Variants in SPTA1 observed in about 807,000 individuals in gnomAD.
SPTA1 encodes the protein spectrin alpha chain, erythrocytic 1.
In SPTA1, 177 loss-of-function variants were observed where a neutral mutation model predicts 324.7. The observed-to-expected ratio is 0.55, with a 90% CI of 0.48 to 0.62. The LOEUF is 0.62. Among genes scored for constraint, SPTA1 ranks in the 20% least tolerant of loss-of-function variants. The probability of loss-of-function intolerance (pLI) is 0.00; values close to 1 mark genes in which losing one functional copy is unlikely to be tolerated. For synonymous variants in SPTA1, 1,195 were observed against 1,041.3 expected, an observed-to-expected ratio of 1.15 and a Z score of -2.84; for missense variants, 3,162 against 2,883.6, an observed-to-expected ratio of 1.10 and a Z score of -2.21.
At chr1:158,676,102 T>C (rs368640228) in intron 8 of SPTA1, 39 bp downstream of exon 8, 3 of 1,611,340 alleles carry the variant, frequency 1.9e-6, no homozygotes, top group Non-Finnish European at 2.5e-6. Context: ...CTGGGCCCTG[T>C]AGAGATAGGT....
Position 158,623,207 on chromosome 1 carries a change from G to C in SPTA1, c.5911-15C>G, listed in dbSNP as rs761835437. On this transcript the variant is annotated splice_polypyrimidine_tract_variant and intron_variant, in intron 42 of 51. Transcript: ENST00000643759. ...TCCAGAGTGTCCTGAGAAAGATCAG[G>C]AGAGAGGCCGTGAACAAGAAAATGG... 6.2e-7 allele frequency: 1 copy of C among 1,601,664 alleles called. No homozygotes were observed. Among genetic ancestry groups the C allele is most frequent in the African/African-American group, 1.3e-5 (1 of 74,758 alleles).
rs1390703308 is a variant in SPTA1 at position 158,612,926 on chromosome 1, A to G, written c.7025T>C (p.Phe2342Ser). 6.2e-7 allele frequency: 1 copy of G among 1,613,918 alleles called. No homozygotes were observed. The highest frequency in any genetic ancestry group is 1.7e-5 in the Admixed American group (1 of 59,968). The change falls in exon 51 of 52, where the codon TTC becomes TCC. Residue 2342 changes from phenylalanine (F) to serine (S), a missense_variant. Transcript: ENST00000643759. Reference protein sequence around the residue: ...GYVSLEDYTAFLIDKESENIK... With the variant: ...GYVSLEDYTASLIDKESENIK... ...GTTTTCTGACTCCTTGTCAATCAGG[A>G]AAGCAGTATAGTCCTCCAGTGAGAC... is the stretch of plus-strand genomic sequence containing the variant.
chr1:158,670,136 G>A (rs943267745), intron 12 of SPTA1, among the ~76,000 whole-genome samples: 16 of 152,104 alleles, frequency 1.1e-4, no homozygotes, highest in South Asian at 2.1e-4. Flanking sequence ...CTATCTATCC[G>A]TGTATTCATC....
intron 36 of SPTA1, among the ~76,000 whole-genome samples, chr1:158,637,010 A>G (rs180792718): frequency 2.2e-4 from 34 of 152,344 alleles, no homozygotes; most frequent in Admixed American, 1.9e-3. Flanking sequence ...CAGCCTTTCC[A>G]TTAGTCCCTT....
At chr1:158,636,890 G>C in intron 36 of SPTA1, 129 bp from the exon 37 acceptor site, 3 of 1,531,816 alleles carry the variant, frequency 2.0e-6, no homozygotes, top group Non-Finnish European at 2.7e-6. Flanking sequence ...TAATACCCTG[G>C]TGCCAATGAC....
At position 158,626,921 on chromosome 1, in the gene SPTA1, T is replaced by A. The variant is rs1314822655; in HGVS notation, c.5751A>T (p.Ile1917=). 4 of 1,614,002 alleles carry A rather than the reference T, an allele frequency of 2.5e-6. No homozygotes were observed. The South Asian group carries it at 4.4e-5, about 18-fold the overall frequency. Residue 1917 remains isoleucine (I), a synonymous_variant, in exon 41 of 52, where the codon ATA becomes ATT. Transcript: ENST00000643759. ...NEKTPSLAKA[I]AAWKLQLEDD... ...CTTCCAATTGCAACTTCCAAGCAGC[T>A]ATTGCCTTAGCCAGAGAAGGGGTCT...
In SPTA1 at chr1:158,611,299, A is replaced by G. The variant is rs766848883; in HGVS notation, c.7225T>C (p.Tyr2409His). Reference protein sequence around the residue: ...RGRSHLSGYDYVGFTNSYFGN With the variant: ...RGRSHLSGYDHVGFTNSYFGN ...AAGTAGGAATTGGTGAAGCCAACGT[A>G]GTCATAGCCAGAGAGATGGCTTCGA... The change falls in exon 52 of 52, where the codon TAC (tyrosine) becomes CAC (histidine). Residue 2409 changes from tyrosine (Y) to histidine (H), a missense_variant. Tyr to His is a moderately conservative substitution (Grantham distance 83). Transcript: ENST00000643759. 1 of 1,613,874 alleles carries G rather than the reference A, an allele frequency of 6.2e-7. No individual in the cohort carries two copies. The highest frequency in any genetic ancestry group is 8.5e-7 in the Non-Finnish European group (1 of 1,179,822).
chr1:158,626,023 A>C (rs1650243560), intron 42 of SPTA1, 123 bp downstream of exon 42: 2 of 757,268 alleles, frequency 2.6e-6, no homozygotes, highest in African/African-American at 3.5e-5. Flanking sequence ...ATTAATATTA[A>C]GAAGGGAAAA....
chr1:158,682,225 C>T (rs535426563), intron 3 of SPTA1, among the ~76,000 whole-genome samples: 6 of 152,242 alleles, frequency 3.9e-5, no homozygotes, highest in African/African-American at 1.4e-4. Context: ...TTATGTATTA[C>T]CTGTCTTATA....
At chr1:158,652,145 A>G (rs1652489700) in intron 23 of SPTA1, among the ~76,000 whole-genome samples, 1 of 152,138 alleles carries the variant, frequency 6.6e-6, no homozygotes, top group South Asian at 2.1e-4. Flanking sequence ...ACATGGTACA[A>G]CAATACCTTA....
chr1:158,635,621 T>G (rs926560381), intron 38 of SPTA1, among the ~76,000 whole-genome samples: 3 of 152,204 alleles, frequency 2.0e-5, no homozygotes, highest in African/African-American at 7.2e-5. Flanking sequence ...AGAACAGATG[T>G]GTGGCTAATA....
Position 158,669,423 on chromosome 1 carries a change from A to T in SPTA1, c.1818T>A (p.Asp606Glu). The T allele has an allele frequency of 6.2e-7, 1 of 1,614,104 alleles. No homozygotes were observed. Among genetic ancestry groups the T allele is most frequent in the South Asian group, 1.1e-5 (1 of 91,080 alleles). ...NWINKKKKLA[D>E]DEDYKDIQNL... The stretch of plus-strand genomic sequence containing the variant: ...CTCTGCCTACCTTGTAATCTTCATC[A>T]TCTGCCAACTTTTTCTTCTTGTTGA... Residue 606 changes from aspartate to glutamate, a missense_variant, in exon 14 of 52, where the codon GAT (aspartate) becomes GAA (glutamate). Physicochemically the swap from Asp to Glu is conservative, Grantham distance 45 (BLOSUM62 2). Coordinates refer to ENST00000643759, the MANE Select transcript of SPTA1 (RefSeq NM_003126.4).
chr1:158,673,315 C>A (rs1372203105), intron 10 of SPTA1, among the ~76,000 whole-genome samples: 1 of 152,136 alleles, frequency 6.6e-6, no homozygotes, highest in East Asian at 1.9e-4. Flanking sequence ...GTGCTAGAGG[C>A]TGTGCTTGGC....
intron 25 of SPTA1, 48 bp from the exon 26 acceptor site, chr1:158,648,701 A>T: frequency 6.2e-7 from 1 of 1,607,294 alleles, no homozygotes; most frequent in Non-Finnish European, 8.5e-7. Context: ...TATGTACCAG[A>T]GGCAGGCTAG....
intron 3 of SPTA1, among the ~76,000 whole-genome samples, chr1:158,682,312 T>G (rs997374433): frequency 6.6e-6 from 1 of 152,218 alleles, no homozygotes; most frequent in Non-Finnish European, 1.5e-5. Context: ...GGGTAGCATG[T>G]GGACCACATA....
intron 5 of SPTA1, among the ~76,000 whole-genome samples, chr1:158,679,267 C>T (rs902068175): frequency 6.6e-6 from 1 of 152,046 alleles, no homozygotes; most frequent in East Asian, 1.9e-4. Flanking sequence ...GCAGTGTAGG[C>T]CCCACTCGAG....
intron 47 of SPTA1, among the ~76,000 whole-genome samples, chr1:158,615,927 C>A (rs748300177): frequency 3.9e-5 from 6 of 152,112 alleles, no homozygotes; most frequent in Non-Finnish European, 8.8e-5. Flanking sequence ...ATGGGCTGCT[C>A]CTGCCATGCA....
At chr1:158,616,929 C>T (rs1046890516) in intron 47 of SPTA1, among the ~76,000 whole-genome samples, 1 of 152,048 alleles carries the variant, frequency 6.6e-6, no homozygotes, top group African/African-American at 2.4e-5. Context: ...GCCACTTTAA[C>T]TCAAGTGAGA....
intron 24 of SPTA1, among the ~76,000 whole-genome samples, 194 bp from the exon 25 acceptor site, chr1:158,650,141 C>A (rs867626370): frequency 6.6e-6 from 1 of 152,218 alleles, no homozygotes; most frequent in Non-Finnish European, 1.5e-5. Context: ...AAAGTGATTT[C>A]TTCCCAAACT....
Sources: allele counts gnomAD v4.1 joint callset (sites outside exome capture counted in the v4.1 genomes callset), GRCh38; gene constraint gnomAD v4.1.1; transcripts MANE v1.5; gene names NCBI Gene and HGNC (gene_info 2026-07-23, HGNC 2026-07-21).